GAS7: variants seen among roughly 807,000 people sequenced by gnomAD.
The protein encoded by GAS7 is growth arrest-specific protein 7.
GAS7 carries 28 observed loss-of-function variants against 71.1 expected under a neutral mutation model. The ratio of observed to expected loss-of-function variants is 0.39; its 90% CI spans 0.29 to 0.54. GAS7 has a LOEUF of 0.54. GAS7 is among the 20% of genes least tolerant of loss of function. GAS7 has a pLI of 0.62. For missense variants in GAS7, 436 were observed against 627.8 expected, an observed-to-expected ratio of 0.69 and a Z score of 3.27; for synonymous variants, 258 against 245.8, an observed-to-expected ratio of 1.05 and a Z score of -0.46.
At position 9,939,253 on chromosome 17, in the gene GAS7, C is replaced by T. The variant is rs2068509858; in HGVS notation, c.806+873G>A. Among the ~76,000 whole-genome samples, 4 of 152,106 alleles carry T rather than the reference C, an allele frequency of 2.6e-5. No homozygotes were observed. The South Asian group carries it at 8.3e-4, about 31-fold the overall frequency. ...CAGCGGCTGTACCATATTCCATTTC[C>T]CCCAGGGGTGCATAAGGGCTGAGAC... On this transcript the variant is annotated intron_variant, in intron 8 of 13. Transcript: ENST00000432992.
chr17:10,070,179 C>T (rs999078376), intron 1 of GAS7, among the ~76,000 whole-genome samples: 2 of 151,974 alleles, frequency 1.3e-5, no homozygotes, highest in African/African-American at 4.8e-5. Flanking sequence ...GCACCCCACT[C>T]CTCTATCCCC....
intron 1 of GAS7, among the ~76,000 whole-genome samples, chr17:10,096,829 G>A (rs917781244): frequency 2.6e-5 from 4 of 152,250 alleles, no homozygotes; most frequent in South Asian, 2.1e-4. Flanking sequence ...CAGAACCTAC[G>A]GATCCACGAG....
chr17:10,066,256 C>T (rs2073279526), intron 1 of GAS7, among the ~76,000 whole-genome samples: 1 of 152,198 alleles, frequency 6.6e-6, no homozygotes, highest in African/African-American at 2.4e-5. Flanking sequence ...TCTCGGCTCA[C>T]CACAACCTCC....
chr17:10,160,912 A>T (rs893028696), intron 1 of GAS7, among the ~76,000 whole-genome samples: 2 of 150,394 alleles, frequency 1.3e-5, no homozygotes, highest in African/African-American at 2.5e-5. Flanking sequence ...GGATGCAGTA[A>T]GTTGGAAGCC....
chr17:10,181,188 T>C (rs78284988), intron 1 of GAS7, among the ~76,000 whole-genome samples: 3,972 of 147,328 alleles, frequency 0.027, 142 homozygotes, highest in African/African-American at 0.091. Flanking sequence ...AGTGAAACCC[T>C]GTCTCTACTA....
intron 1 of GAS7, among the ~76,000 whole-genome samples, chr17:10,105,917 A>G (rs914358624): frequency 2.6e-5 from 4 of 152,064 alleles, no homozygotes; most frequent in Non-Finnish European, 5.9e-5. Flanking sequence ...GTGTTAGTGG[A>G]CTGCCAGACC....
At chr17:10,147,996 A>G (rs931875037) in intron 1 of GAS7, among the ~76,000 whole-genome samples, 2 of 152,184 alleles carry the variant, frequency 1.3e-5, no homozygotes, top group Non-Finnish European at 2.9e-5. Flanking sequence ...AATCAAGATG[A>G]TGGAAATAGT....
Position 10,034,975 on chromosome 17 carries a change from T to G in GAS7, c.184-15078A>C, listed in dbSNP as rs1448066254. 1.3e-5 allele frequency among the ~76,000 whole-genome samples: 2 copies of G among 152,174 alleles called. No individual in the cohort carries two copies. The highest frequency in any genetic ancestry group is 4.1e-4 in the South Asian group (2 of 4,832). On this transcript the variant is annotated intron_variant, in intron 1 of 13. Coordinates refer to ENST00000432992, the MANE Select transcript of GAS7 (RefSeq NM_201433.2). This position sits in a 1 kb window ranked among gnomAD's most constrained non-coding sequence, Gnocchi z 4.4. ...AAGGCGGGTTCCAGTGGAATTTTTC[T>G]GGGCCTGTTAGCAGTTAGCACTTCT...
At chr17:9,934,510 G>C (rs2068325287) in intron 8 of GAS7, among the ~76,000 whole-genome samples, 1 of 151,966 alleles carries the variant, frequency 6.6e-6, no homozygotes, top group Non-Finnish European at 1.5e-5. Context: ...GGGGGGGTGG[G>C]GATTCCTAGA....
At chr17:9,918,149 G>A in intron 12 of GAS7, 50 bp from the exon 13 acceptor site, 2 of 1,369,616 alleles carry the variant, frequency 1.5e-6, no homozygotes, top group Non-Finnish European at 2.1e-6. Context: ...CCCTCCACTT[G>A]GGGGTCCCCC....
chr17:9,977,283 C>T (rs1015579467), intron 3 of GAS7, among the ~76,000 whole-genome samples: 3 of 152,172 alleles, frequency 2.0e-5, no homozygotes, highest in African/African-American at 4.8e-5. Flanking sequence ...CTAGTGGCTA[C>T]CATATTGGAA....
chr17:10,188,216 CT>C (rs765522520), intron 1 of GAS7, among the ~76,000 whole-genome samples: 5 of 152,012 alleles, frequency 3.3e-5, no homozygotes, highest in Non-Finnish European at 7.4e-5. Flanking sequence ...GCACTCCAGC[CT>C]GGGTGACAGA....
chr17:10,086,471 G>A (rs932497179), intron 1 of GAS7, among the ~76,000 whole-genome samples: 1 of 152,146 alleles, frequency 6.6e-6, no homozygotes, highest in Non-Finnish European at 1.5e-5. Context: ...CTCTGTTACC[G>A]AACCATTGTT....
chr17:10,085,995 A>G (rs749222853), intron 1 of GAS7, among the ~76,000 whole-genome samples: 9 of 152,146 alleles, frequency 5.9e-5, no homozygotes, highest in Non-Finnish European at 8.8e-5. Context: ...TGAGACTTCA[A>G]TGAGGTGTCA....
At chr17:9,951,961 G>T (rs2069036724) in intron 5 of GAS7, among the ~76,000 whole-genome samples, 1 of 152,052 alleles carries the variant, frequency 6.6e-6, no homozygotes, top group Non-Finnish European at 1.5e-5. Flanking sequence ...CAGACTGCTA[G>T]CCGGAAGAGG....
At chr17:10,117,805 C>A (rs945901871) in intron 1 of GAS7, among the ~76,000 whole-genome samples, 1 of 152,104 alleles carries the variant, frequency 6.6e-6, no homozygotes, top group Non-Finnish European at 1.5e-5. Context: ...CAGTCCAAGG[C>A]TACAGTGGTA....
chr17:9,985,907 C>G (rs1281777564), intron 2 of GAS7, among the ~76,000 whole-genome samples: 1 of 152,228 alleles, frequency 6.6e-6, no homozygotes, highest in East Asian at 1.9e-4. Flanking sequence ...CAGGAGCACA[C>G]ACCCTACTGA....
chr17:10,121,491 G>T (rs12600988), intron 1 of GAS7, among the ~76,000 whole-genome samples: 43,111 of 152,028 alleles, frequency 0.28, 6,446 homozygotes, highest in East Asian at 0.56. Flanking sequence ...TTATTAAACT[G>T]CTCTGTGCCT....
intron 11 of GAS7, among the ~76,000 whole-genome samples, chr17:9,921,939 A>C (rs1213674672): frequency 2.0e-5 from 3 of 147,338 alleles, no homozygotes; most frequent in African/African-American, 7.7e-5. Context: ...AGCCTGGGCG[A>C]CAGAGCAAGA....
Sources: allele counts gnomAD v4.1 joint callset (sites outside exome capture counted in the v4.1 genomes callset), GRCh38; gene constraint gnomAD v4.1.1; non-coding constraint Gnocchi (gnomAD v3.1); transcripts MANE v1.5; gene names NCBI Gene and HGNC (gene_info 2026-07-23, HGNC 2026-07-21).